Variants in OSBPL9 observed in about 807,000 individuals in gnomAD.
The protein encoded by OSBPL9 is oxysterol-binding protein-related protein 9.
Under a neutral mutation model 106.6 loss-of-function variants are expected in OSBPL9, and 40 were observed. The ratio of observed to expected loss-of-function variants is 0.38; its 90% confidence interval spans 0.29 to 0.49. OSBPL9 has a LOEUF of 0.49. Among genes scored for constraint, OSBPL9 ranks in the 20% least tolerant of loss-of-function variants. The pLI, the probability that OSBPL9 is intolerant of heterozygous loss-of-function variation, is 0.97. For synonymous variants in OSBPL9, 269 were observed against 295.4 expected (o/e 0.91, Z 0.92); for missense variants, 609 against 887.2 (o/e 0.69, Z 3.98).
intron 3 of OSBPL9, among the ~76,000 whole-genome samples, chr1:51,699,603 T>TTA (rs1656809737): frequency 6.6e-6 from 1 of 152,174 alleles, no homozygotes; most frequent in Non-Finnish European, 1.5e-5. Flanking sequence ...ATTCTTTAAG[T>TTA]ATTTCCTTAC....
intron 1 of OSBPL9, among the ~76,000 whole-genome samples, chr1:51,644,069 G>C (rs1021342500): frequency 1.8e-5 from 2 of 110,558 alleles, no homozygotes; most frequent in Admixed American, 2.4e-4. Context: ...AACAGAGTGA[G>C]ACCTTGTCTA....
Position 51,787,337 on chromosome 1 carries a change from T to G in OSBPL9, c.2001-16T>G. The stretch of plus-strand genomic sequence containing the variant: ...CATTCTCAACATTGGCAGCTCCTCT[T>G]ACCTCTTTGTTTTAGCCTTTGGAAG... On this transcript the variant is annotated splice_polypyrimidine_tract_variant and intron_variant, in intron 22 of 23. Transcript: ENST00000428468. 1 of 1,612,398 alleles carries G rather than the reference T, an allele frequency of 6.2e-7. No individual in the cohort carries two copies. The highest frequency in any genetic ancestry group is 1.1e-5 in the South Asian group (1 of 91,038).
In OSBPL9 at chr1:51,591,211, C is replaced by T. The variant is rs370400147; in HGVS notation, c.-422-6913C>T. Among the ~76,000 whole-genome samples, 6 of 150,894 alleles carry T rather than the reference C, an allele frequency of 4.0e-5. No individual in the cohort carries two copies. In the East Asian group the frequency reaches 1.2e-3, roughly 30 times the overall value. ...GGGATTACAGGCGTGAGCCACCGTG[C>T]CGGGCCCATGCCTGGCTAATTTTTT... On this transcript the variant is annotated intron_variant, in intron 1 of 25. Transcript: ENST00000371714.
At chr1:51,744,072 C>T (rs1667481783) in intron 4 of OSBPL9, among the ~76,000 whole-genome samples, 1 of 151,794 alleles carries the variant, frequency 6.6e-6, no homozygotes, top group Admixed American at 6.6e-5. Context: ...GTAAAATAGA[C>T]ATTTATCGCC....
At chr1:51,722,779 T>C (rs1662389323) in intron 4 of OSBPL9, among the ~76,000 whole-genome samples, 1 of 152,246 alleles carries the variant, frequency 6.6e-6, no homozygotes, top group Admixed American at 6.5e-5. Context: ...GTGGTGTATT[T>C]GTGATATCTG....
At chr1:51,723,174 T>C (rs1240419353) in intron 4 of OSBPL9, among the ~76,000 whole-genome samples, 1 of 152,184 alleles carries the variant, frequency 6.6e-6, no homozygotes, top group Non-Finnish European at 1.5e-5. Flanking sequence ...AGGTCCGTAG[T>C]TTACATTAGA....
intron 12 of OSBPL9, among the ~76,000 whole-genome samples, chr1:51,766,851 A>C (rs1457474976): frequency 1.3e-5 from 2 of 151,628 alleles, no homozygotes; most frequent in African/African-American, 4.8e-5. Flanking sequence ...CTGGCAGATC[A>C]TGAGGTCAGG....
At chr1:51,710,427 A>T (rs1004517571) in intron 3 of OSBPL9, among the ~76,000 whole-genome samples, 2 of 152,212 alleles carry the variant, frequency 1.3e-5, no homozygotes, top group Non-Finnish European at 2.9e-5. Flanking sequence ...TTATGATTGT[A>T]TGTAGAGAAT....
chr1:51,586,479 A>G (rs1020600351), intron 1 of OSBPL9, among the ~76,000 whole-genome samples: 1 of 152,242 alleles, frequency 6.6e-6, no homozygotes, highest in East Asian at 1.9e-4. Context: ...TTTGTCTCCA[A>G]ATGTTTCCAA....
At chr1:51,651,386 T>G (rs1370905746) in intron 1 of OSBPL9, among the ~76,000 whole-genome samples, 2 of 152,064 alleles carry the variant, frequency 1.3e-5, no homozygotes, top group African/African-American at 4.8e-5. Context: ...GTGGATCACC[T>G]GAGGTCAGGA....
At chr1:51,538,200 G>A in the OSBPL9 span, among the ~76,000 whole-genome samples, 7 of 152,128 alleles carry the variant, frequency 4.6e-5, no homozygotes, top group Non-Finnish European at 1.0e-4. Flanking sequence ...ACTGAGGCAG[G>A]AGAATCACTT....
intron 3 of OSBPL9, among the ~76,000 whole-genome samples, chr1:51,689,983 C>T (rs1654626475): frequency 6.6e-6 from 1 of 152,114 alleles, no homozygotes; most frequent in South Asian, 2.1e-4. Flanking sequence ...CCAAAGCAAC[C>T]TCCTTATTGA....
intron 11 of OSBPL9, among the ~76,000 whole-genome samples, chr1:51,762,649 T>C (rs1671765620): frequency 6.6e-6 from 1 of 152,234 alleles, no homozygotes; most frequent in Non-Finnish European, 1.5e-5. Flanking sequence ...CCCCCAGTAA[T>C]TTGCATACAT....
chr1:51,752,268 T>C lies in OSBPL9; in HGVS notation c.543+2073T>C, dbSNP rs116167208. ...CCCCGCCCCCGGCTTTAGGGATTTTTACTTGCTGTTCCCTCCACGTGGAGG... is the reference window on the plus strand; with the variant it reads ...CCCCGCCCCCGGCTTTAGGGATTTTCACTTGCTGTTCCCTCCACGTGGAGG... On this transcript the variant is annotated intron_variant, in intron 8 of 23. Transcript: ENST00000428468. Among the ~76,000 whole-genome samples, 694 of 150,526 alleles carry C rather than the reference T, an allele frequency of 4.6e-3. 2 individuals are homozygous for C. The highest frequency in any genetic ancestry group is 0.016 in the African/African-American group (664 of 40,930).
intron 4 of OSBPL9, among the ~76,000 whole-genome samples, chr1:51,724,236 G>A (rs545642944): frequency 1.1e-4 from 16 of 152,010 alleles, no homozygotes; most frequent in Admixed American, 2.6e-4. Context: ...CTGAGCTACT[G>A]TGCCTGATCT....
At chr1:51,544,836 GC>G in the OSBPL9 span, among the ~76,000 whole-genome samples, 1 of 126,688 alleles carries the variant, frequency 7.9e-6, no homozygotes, top group Non-Finnish European at 1.7e-5. Flanking sequence ...TAAGAGACAT[GC>G]TTTTTTTTTT....
chr1:51,692,049 T>TA (rs1029987100), intron 3 of OSBPL9, among the ~76,000 whole-genome samples: 1 of 152,186 alleles, frequency 6.6e-6, no homozygotes, highest in Admixed American at 6.5e-5. Flanking sequence ...GGCTCACACT[T>TA]ACAATCCCAG....
At chr1:51,569,119 T>G in the OSBPL9 span, among the ~76,000 whole-genome samples, 1 of 152,178 alleles carries the variant, frequency 6.6e-6, no homozygotes, top group Non-Finnish European at 1.5e-5. Flanking sequence ...GAGGCCTAGT[T>G]ACATATTTAG....
the OSBPL9 span, among the ~76,000 whole-genome samples, chr1:51,550,047 G>C: frequency 2.6e-5 from 4 of 152,198 alleles, no homozygotes; most frequent in Non-Finnish European, 1.5e-5. Context: ...AACCAGACAA[G>C]CTTGAGAGAC....
Sources: gnomAD v4.1 joint callset for allele counts (sites outside exome capture counted in the v4.1 genomes callset) on GRCh38, gnomAD v4.1.1 for gene constraint, MANE v1.5 for transcripts, NCBI Gene and HGNC (gene_info 2026-07-23, HGNC 2026-07-21) for gene names.